The following PC variants were observed in gnomAD, a reference collection of about 807,000 sequenced individuals.
The protein encoded by PC is pyruvate carboxylase, mitochondrial.
In PC, 46 loss-of-function variants were observed where a neutral mutation model predicts 107.8. The ratio of observed to expected loss-of-function variants is 0.43; its 90% CI spans 0.34 to 0.55. The LOEUF (loss-of-function observed/expected upper bound fraction) is 0.55, where lower values mean the gene tolerates loss of function less well. Ranked by LOEUF, PC falls within the 20% of genes least tolerant of loss-of-function variation. The pLI is 0.04. For missense variants in PC, 1,241 were observed against 1,643.1 expected (o/e 0.76, Z 4.23); for synonymous variants, 662 against 684.7 (o/e 0.97, Z 0.52).
At chr11:66,891,479 C>T (rs1224098165) in intron 3 of PC, among the ~76,000 whole-genome samples, 1 of 152,062 alleles carries the variant, frequency 6.6e-6, no homozygotes, top group African/African-American at 2.4e-5. Flanking sequence ...CCACAACCTC[C>T]GCCTCCCGGG....
In PC at chr11:66,873,041, A is replaced by G. The variant is rs74397710; in HGVS notation, c.1-882T>C. Among the ~76,000 whole-genome samples the G allele has an allele frequency of 2.7e-3, 398 of 148,056 alleles. 2 individuals are homozygous for G. Among genetic ancestry groups the G allele is most frequent in the African/African-American group, 9.6e-3 (382 of 39,864 alleles). On this transcript the variant is annotated intron_variant, in intron 3 of 22. Transcript: ENST00000393960. ...ACATCAAGACTCTGTCCCAGGAAAA[A>G]AAAAAAGTATAATACTTCAGGTTGG...
chr11:66,901,622 C>T (rs992870328), intron 3 of PC, among the ~76,000 whole-genome samples: 3 of 152,152 alleles, frequency 2.0e-5, no homozygotes, highest in Non-Finnish European at 4.4e-5. Flanking sequence ...AGGCACCTGC[C>T]ACCATGCCTG....
Position 66,851,819 on chromosome 11 carries a change from G to A in PC, c.1953C>T (p.Tyr651=), listed in dbSNP as rs1945510204. 3 of 1,614,130 alleles carry A rather than the reference G, an allele frequency of 1.9e-6. No homozygotes were observed. The highest frequency in any genetic ancestry group is 2.5e-6 in the Non-Finnish European group (3 of 1,180,006). Residue 651 remains tyrosine (Y), a synonymous_variant, in exon 16 of 23, where the codon TAC becomes TAT. Transcript: ENST00000393960. ...MLLRGANAVG[Y]TNYPDNVVFK... is the part of the protein sequence containing the mutation. ...AGACCACGTTGTCTGGGTAGTTGGTGTAGCCCACAGCATTGGCCCCCCGCA... is the reference window on the plus strand; with the variant it reads ...AGACCACGTTGTCTGGGTAGTTGGTATAGCCCACAGCATTGGCCCCCCGCA...
At chr11:66,854,643 G>A (rs1028222180) in intron 12 of PC, among the ~76,000 whole-genome samples, 9 of 152,154 alleles carry the variant, frequency 5.9e-5, no homozygotes, top group African/African-American at 1.9e-4. Flanking sequence ...CTTCCACCGC[G>A]AAGAAAACAC....
chr11:66,872,355 C>G (rs1312198732), intron 3 of PC, among the ~76,000 whole-genome samples, 196 bp from the exon 4 acceptor site: 4 of 152,292 alleles, frequency 2.6e-5, no homozygotes, highest in Admixed American at 2.6e-4. Flanking sequence ...ACCCCCAGCT[C>G]AGCCTGATAT....
At position 66,878,038 on chromosome 11, in the gene PC, G is replaced by A. The variant is rs144315380; in HGVS notation, c.1-5879C>T. Among the ~76,000 whole-genome samples the A allele has an allele frequency of 1.7e-3, 262 of 152,268 alleles. 3 individuals are homozygous for A. The highest frequency in any genetic ancestry group is 5.3e-3 in the African/African-American group (221 of 41,562). ...AAAAAAAAGAAGAAATATACAGAAGGGACAGGAAGAGCTCCGCAGGAAAAG... is the reference window on the plus strand; with the variant it reads ...AAAAAAAAGAAGAAATATACAGAAGAGACAGGAAGAGCTCCGCAGGAAAAG... On this transcript the variant is annotated intron_variant, in intron 3 of 22. Transcript: ENST00000393960.
rs1323726736 is a variant in PC at position 66,858,507 on chromosome 11, G to C, written c.1369-5124C>G. The C allele has an allele frequency of 4.6e-6, 7 of 1,536,314 alleles. No homozygotes were observed. The highest frequency in any genetic ancestry group is 6.1e-6 in the Non-Finnish European group (7 of 1,146,942). On this transcript the variant is annotated intron_variant, in intron 12 of 22. Coordinates refer to ENST00000393960, the MANE Select transcript of PC (RefSeq NM_001040716.2). This position sits in a 1 kb window ranked among gnomAD's most constrained non-coding sequence, Gnocchi z 5.9. ...GCGGCTGGCGCGGCCGGACGACCTGGAAACGTGCGCCTCCCCGCCCGGCCT... is the reference window on the plus strand; with the variant it reads ...GCGGCTGGCGCGGCCGGACGACCTGCAAACGTGCGCCTCCCCGCCCGGCCT...
Position 66,872,124 on chromosome 11 carries a change from C to A in PC, c.36G>T (p.Arg12Ser). 6.3e-7 allele frequency: 1 copy of A among 1,579,892 alleles called. No individual in the cohort carries two copies. ...TGGAGGTTCGGCGGATTCCCAGGAG[C>A]CTCAGGCCCCCATGGACTGTTCGGA... ...LKFRTVHGGLRLLGIRRTSTA... is the reference protein window; with the variant it reads ...LKFRTVHGGLSLLGIRRTSTA... Residue 12 changes from arginine to serine, a missense_variant, in exon 4 of 23, where the codon AGG (arginine) becomes AGT (serine). Around this residue, in one of 2 missense-constraint regions of PC, gnomAD observed 1,143 missense variants for 1,551.9 expected, o/e 0.74. Coordinates refer to ENST00000393960, the MANE Select transcript of PC (RefSeq NM_001040716.2).
chr11:66,862,194 C>T (rs1946294705), intron 12 of PC, among the ~76,000 whole-genome samples: 1 of 152,174 alleles, frequency 6.6e-6, no homozygotes, highest in African/African-American at 2.4e-5. Context: ...CAGCTGATGT[C>T]GCGACACACC....
chr11:66,848,987 G>T lies in PC; in HGVS notation c.3449C>A (p.Thr1150Asn). Reference sequence around the variant, plus strand: ...GCGGACAGTACCCTCCATGGGTGAGGTCACCACAGTCTCCATCTTCATGGC... The same window carrying T: ...GCGGACAGTACCCTCCATGGGTGAGTTCACCACAGTCTCCATCTTCATGGC... Reference protein sequence around the residue: ...LSAMKMETVVTSPMEGTVRKV... With the variant: ...LSAMKMETVVNSPMEGTVRKV... Residue 1150 changes from threonine to asparagine, a missense_variant, in exon 23 of 23, where the codon ACC (threonine) becomes AAC (asparagine). This residue lies in a region of PC where 98 missense variants were observed against 91.2 expected (regional missense o/e 1.07). Coordinates refer to ENST00000393960, the MANE Select transcript of PC (RefSeq NM_001040716.2). 1 of 1,614,078 alleles carries T rather than the reference G, an allele frequency of 6.2e-7. No individual in the cohort carries two copies. Among genetic ancestry groups the T allele is most frequent in the South Asian group, 1.1e-5 (1 of 91,088 alleles).
chr11:66,909,215 C>T (rs1430605035), intron 3 of PC, among the ~76,000 whole-genome samples: 6 of 152,234 alleles, frequency 3.9e-5, no homozygotes, highest in South Asian at 2.1e-4. Context: ...CTCCCGTACT[C>T]GCCTTGAGAT....
intron 3 of PC, among the ~76,000 whole-genome samples, chr11:66,927,519 C>T (rs1948746749): frequency 6.6e-6 from 1 of 151,640 alleles, no homozygotes; most frequent in South Asian, 2.1e-4. Context: ...GTCAGGAGTT[C>T]AAGACCAGCC....
chr11:66,870,596 C>A lies in PC; in HGVS notation c.752-143G>T. The A allele has an allele frequency of 5.1e-6, 6 of 1,172,562 alleles. 1 individual carries two copies. In the South Asian group the frequency reaches 6.3e-5, roughly 12 times the overall value. 72.6% of individuals were successfully genotyped at this position (1,172,562 alleles called of 1,614,324 possible). On this transcript the variant is annotated intron_variant, in intron 8 of 22. Transcript: ENST00000393960. This position sits in a 1 kb window ranked among gnomAD's most constrained non-coding sequence, Gnocchi z 6.1. ...GCTGCCAGGAGAGACACCAGCATCA[C>A]CAAGGCTGTGAGGACCAACTGCCAG...
chr11:66,859,304 C>T (rs1036532081), intron 12 of PC, among the ~76,000 whole-genome samples: 20 of 152,178 alleles, frequency 1.3e-4, no homozygotes, highest in African/African-American at 4.3e-4. Flanking sequence ...GACCCCACCC[C>T]GAGATGTCCC....
At chr11:66,864,967 A>G (rs1373319745) in intron 11 of PC, among the ~76,000 whole-genome samples, 2 of 152,106 alleles carry the variant, frequency 1.3e-5, no homozygotes, top group Non-Finnish European at 2.9e-5. Context: ...ACTTCATAAA[A>G]TATTTAAGGG....
In PC at chr11:66,858,183, C is replaced by T. The variant is rs764677860; in HGVS notation, c.1369-4800G>A. ...AGCCTTCGACGACTTCCTAGAGAGC[C>T]TGGAGGACCTGGACCTGTCCTACAA... On this transcript the variant is annotated intron_variant, in intron 12 of 22. Coordinates refer to ENST00000393960, the MANE Select transcript of PC (RefSeq NM_001040716.2). This position sits in a 1 kb window ranked among gnomAD's most constrained non-coding sequence, Gnocchi z 5.9. The T allele has an allele frequency of 1.9e-6, 3 of 1,611,836 alleles. No homozygotes were observed. The highest frequency in any genetic ancestry group is 2.2e-5 in the East Asian group (1 of 44,848).
chr11:66,858,911 C>G lies in PC; in HGVS notation c.1368+4863G>C. 2 of 1,565,436 alleles carry G rather than the reference C, an allele frequency of 1.3e-6. No individual in the cohort carries two copies. The highest frequency in any genetic ancestry group is 1.7e-6 in the Non-Finnish European group (2 of 1,153,988). ...GGGGCCGCCCCGGGCCCTCGGACAT[C>G]GCCGCCTCCGCTCGCACTGCTGCCG... On this transcript the variant is annotated intron_variant, in intron 12 of 22. Transcript: ENST00000393960. The surrounding 1 kb of genome is among the most constrained non-coding windows in gnomAD (Gnocchi z 5.9).
chr11:66,859,998 C>A lies in PC; in HGVS notation c.1368+3776G>T, dbSNP rs556065272. 4.5e-5 allele frequency: 72 copies of A among 1,594,952 alleles called. No homozygotes were observed. In the African/African-American group the frequency reaches 9.2e-4, roughly 20 times the overall value. ...AGGCCCCAGCCCCACACCCAAGGCCCACCCGCCGCGGAGCCCCCCGCCCCG... is the reference window on the plus strand; with the variant it reads ...AGGCCCCAGCCCCACACCCAAGGCCAACCCGCCGCGGAGCCCCCCGCCCCG... On this transcript the variant is annotated intron_variant, in intron 12 of 22. Transcript: ENST00000393960.
rs1461362433 is a variant in PC at position 66,925,183 on chromosome 11, G to A, written c.-1+27247C>T. ...AAATTGCTAATGAAGTTTCGGGCAC[G>A]CATTGTCATTGATAACATCTTATCA... is the stretch of plus-strand genomic sequence containing the variant. On this transcript the variant is annotated intron_variant, in intron 3 of 22. Coordinates refer to ENST00000393960, the MANE Select transcript of PC (RefSeq NM_001040716.2). Among the ~76,000 whole-genome samples, 8 of 152,276 alleles carry A rather than the reference G, an allele frequency of 5.3e-5. No individual in the cohort carries two copies. The East Asian group carries it at 9.6e-4, about 18-fold the overall frequency.
Sources: gnomAD v4.1 joint callset for allele counts (sites outside exome capture counted in the v4.1 genomes callset) on GRCh38, gnomAD v4.1.1 for gene constraint, gnomAD v4.1.1 regional missense constraint, Gnocchi (gnomAD v3.1) non-coding constraint, MANE v1.5 for transcripts, NCBI Gene and HGNC (gene_info 2026-07-23, HGNC 2026-07-21) for gene names.